The following KCTD1 variants were observed in gnomAD, a reference collection of about 807,000 sequenced individuals.
The protein encoded by KCTD1 is BTB/POZ domain-containing protein KCTD1.
In KCTD1, 24 loss-of-function variants were observed where a neutral mutation model predicts 66.0. The observed-to-expected ratio is 0.36, with a 90% confidence interval of 0.26 to 0.51. The LOEUF (loss-of-function observed/expected upper bound fraction) is 0.51, where lower values mean the gene tolerates loss of function less well. KCTD1 is among the 20% of genes least tolerant of loss of function. The pLI, the probability that KCTD1 is intolerant of heterozygous loss-of-function variation, is 0.95. For synonymous variants in KCTD1, 511 were observed against 517.2 expected, an observed-to-expected ratio of 0.99 and a Z score of 0.16; for missense variants, 943 against 1,205.2, an observed-to-expected ratio of 0.78 and a Z score of 3.22.
At chr18:26,627,782 G>A (rs1987534852) in intron 1 of KCTD1, among the ~76,000 whole-genome samples, 1 of 152,230 alleles carries the variant, frequency 6.6e-6, no homozygotes. Context: ...TTTGAGGAAA[G>A]CAATGGGATA....
intron 1 of KCTD1, among the ~76,000 whole-genome samples, chr18:26,532,261 CTTTTTTT>C (rs533359603): frequency 6.8e-5 from 2 of 29,556 alleles, no homozygotes; most frequent in Non-Finnish European, 1.1e-4. Context: ...TTCTTTCCTT[CTTTTTTT>C]TTTTTTTTTT....
At chr18:26,527,505 T>C (rs1243853463) in intron 1 of KCTD1, among the ~76,000 whole-genome samples, 11 of 114,542 alleles carry the variant, frequency 9.6e-5, no homozygotes, top group African/African-American at 3.0e-4. Flanking sequence ...GGGGGGGGCG[T>C]GGGAGGGATG....
At position 26,606,859 on chromosome 18, in the gene KCTD1, A is replaced by G. The variant is rs564212979; in HGVS notation, c.-16+22288T>C. Among the ~76,000 whole-genome samples the G allele has an allele frequency of 2.0e-5, 3 of 152,322 alleles. No individual in the cohort carries two copies. In the South Asian group the frequency reaches 6.2e-4, roughly 32 times the overall value. ...CTGTGGGAGACAGTATTCACTATGG[A>G]ATTAGATCAAGGACACAGTGCTTTT... On this transcript the variant is annotated intron_variant, in intron 1 of 4. Transcript: ENST00000317932.
intron 1 of KCTD1, among the ~76,000 whole-genome samples, chr18:26,646,717 G>T: frequency 6.6e-6 from 1 of 152,028 alleles, no homozygotes; most frequent in East Asian, 1.9e-4. Context: ...TTTTAAGAGG[G>T]AAAAAGAAAG....
chr18:26,472,568 A>T (rs971419438), intron 3 of KCTD1, among the ~76,000 whole-genome samples: 2 of 152,224 alleles, frequency 1.3e-5, no homozygotes, highest in African/African-American at 4.8e-5. Context: ...CTAGGAAAAT[A>T]TGAGAGAGTA....
intron 1 of KCTD1, among the ~76,000 whole-genome samples, chr18:26,620,833 C>CTTTTT (rs67862567): frequency 8.4e-6 from 1 of 118,344 alleles, no homozygotes; most frequent in African/African-American, 3.2e-5. Context: ...ACTTGAAAAG[C>CTTTTT]TTTTTTTTTT....
chr18:26,546,937 G>C lies in KCTD1; in HGVS notation c.1600C>G (p.Arg534Gly). The C allele has an allele frequency of 6.8e-7, 1 of 1,475,826 alleles. No individual in the cohort carries two copies. Among genetic ancestry groups the C allele is most frequent in the Non-Finnish European group, 9.0e-7 (1 of 1,110,172 alleles). The allele number at this position is 1,475,826 out of a possible 1,614,324, so 91.4% of individuals were successfully genotyped here. The change falls in exon 1 of 5, where the codon CGC becomes GGC. Residue 534 changes from arginine to glycine, a missense_variant. This residue lies in a region of KCTD1 where 197 missense variants were observed against 182.7 expected (regional missense o/e 1.08). Coordinates refer to ENST00000580059, the MANE Select transcript of KCTD1 (RefSeq NM_001142730.3). ...CCGAACACAGACTCGTACAGGGCGCGCTTGGGCGCAGCCTCGGATTTCACG... is the reference window on the plus strand; with the variant it reads ...CCGAACACAGACTCGTACAGGGCGCCCTTGGGCGCAGCCTCGGATTTCACG... ...PDVKSEAAPKRALYESVFGSG... is the reference protein window; with the variant it reads ...PDVKSEAAPKGALYESVFGSG...
chr18:26,654,865 C>A (rs1021117879), intron 1 of KCTD1, among the ~76,000 whole-genome samples: 21 of 152,222 alleles, frequency 1.4e-4, no homozygotes, highest in Admixed American at 1.2e-3. Flanking sequence ...ATTCAGGCAG[C>A]AGCAGGACTC....
At chr18:26,564,877 C>A (rs1294938874) in intron 1 of KCTD1, among the ~76,000 whole-genome samples, 3 of 147,226 alleles carry the variant, frequency 2.0e-5, no homozygotes, top group Non-Finnish European at 4.5e-5. Flanking sequence ...CAACAAGAAC[C>A]AAACTCTGTC....
upstream of KCTD1, among the ~76,000 whole-genome samples, chr18:26,550,842 C>G (rs1169761629): frequency 6.6e-6 from 1 of 152,268 alleles, no homozygotes; most frequent in Non-Finnish European, 1.5e-5. This position sits in a 1 kb window ranked among gnomAD's most constrained non-coding sequence, Gnocchi z 5.4. Context: ...TTCCAGAGGG[C>G]TGGCCCTTTG....
chr18:26,647,331 A>ACCCC (rs56004377), intron 1 of KCTD1, among the ~76,000 whole-genome samples: 1,227 of 116,228 alleles, frequency 0.011, 31 homozygotes, highest in African/African-American at 0.034. Flanking sequence ...AGATAGTGAA[A>ACCCC]CCCCCCCCCC....
At position 26,455,680 on chromosome 18, in the gene KCTD1, T is replaced by A; in HGVS notation, c.*63A>T. The A allele has an allele frequency of 6.2e-7, 1 of 1,602,906 alleles. No individual in the cohort carries two copies. Among genetic ancestry groups the A allele is most frequent in the African/African-American group, 1.4e-5 (1 of 73,732 alleles). ...TTGCTGTCCCAACTGCACATAAATG[T>A]CCCTTTTTTGTTTGAGTTATTGGTT... is the stretch of plus-strand genomic sequence containing the variant. On this transcript the variant is annotated 3_prime_UTR_variant, in exon 5 of 5. Coordinates refer to ENST00000580059, the MANE Select transcript of KCTD1 (RefSeq NM_001142730.3).
At chr18:26,527,229 C>A (rs1297466972) in intron 1 of KCTD1, among the ~76,000 whole-genome samples, 3 of 152,094 alleles carry the variant, frequency 2.0e-5, no homozygotes, top group Admixed American at 6.5e-5. Context: ...GGGAAAAAAG[C>A]TTCTGCTGAA....
intron 1 of KCTD1, among the ~76,000 whole-genome samples, chr18:26,527,697 A>C (rs1984237681): frequency 6.6e-6 from 1 of 152,150 alleles, no homozygotes; most frequent in African/African-American, 2.4e-5. Flanking sequence ...AATTGCAGCA[A>C]ATGTACCACG....
At chr18:26,518,784 C>A (rs1232852270) in intron 1 of KCTD1, among the ~76,000 whole-genome samples, 1 of 152,116 alleles carries the variant, frequency 6.6e-6, no homozygotes, top group Non-Finnish European at 1.5e-5. Context: ...CTCAAGTGAT[C>A]CTCCCACTTC....
intron 1 of KCTD1, among the ~76,000 whole-genome samples, chr18:26,563,045 C>T (rs1158757714): frequency 1.3e-5 from 2 of 151,858 alleles, no homozygotes; most frequent in Non-Finnish European, 2.9e-5. Flanking sequence ...TGCAATGCAC[C>T]CGAGCTAGGA....
intron 2 of KCTD1, among the ~76,000 whole-genome samples, chr18:26,488,148 C>T (rs1012970067): frequency 2.6e-5 from 4 of 152,136 alleles, no homozygotes; most frequent in African/African-American, 4.8e-5. Context: ...CTTTTCTAAT[C>T]GTTATAGACA....
chr18:26,525,193 C>T (rs998687712), intron 1 of KCTD1, among the ~76,000 whole-genome samples: 2 of 152,144 alleles, frequency 1.3e-5, no homozygotes, highest in African/African-American at 4.8e-5. Context: ...TTCCAGAAGG[C>T]CTTAGGGGTT....
upstream of KCTD1, among the ~76,000 whole-genome samples, chr18:26,642,052 C>A (rs1987844071): frequency 1.3e-5 from 2 of 152,186 alleles, no homozygotes; most frequent in African/African-American, 2.4e-5. Context: ...TCTATTTAAT[C>A]CCCTCTTCCC....
Sources: allele counts gnomAD v4.1 joint callset (sites outside exome capture counted in the v4.1 genomes callset), GRCh38; gene constraint gnomAD v4.1.1; regional missense constraint gnomAD v4.1.1; non-coding constraint Gnocchi (gnomAD v3.1); transcripts MANE v1.5; gene names NCBI Gene and HGNC (gene_info 2026-07-23, HGNC 2026-07-21).